The following PRKAG2 variants were observed in gnomAD, a reference collection of about 807,000 sequenced individuals.
PRKAG2 encodes the protein protein kinase AMP-activated non-catalytic subunit gamma 2, also known as 5'-AMP-activated protein kinase subunit gamma-2.
A neutral mutation model predicts 69.6 loss-of-function variants in PRKAG2; 26 were observed. The observed-to-expected ratio is 0.37, with a 90% CI of 0.27 to 0.52. PRKAG2 has a LOEUF of 0.52. Among genes scored for constraint, PRKAG2 ranks in the 20% least tolerant of loss-of-function variants. PRKAG2 has a pLI of 0.90. For missense variants in PRKAG2, 557 were observed against 740.0 expected (o/e 0.75, Z 2.87); for synonymous variants, 293 against 285.0 (o/e 1.03, Z -0.28).
chr7:151,600,152 C>G (rs183805258), intron 5 of PRKAG2, among the ~76,000 whole-genome samples: 5 of 152,158 alleles, frequency 3.3e-5, no homozygotes, highest in African/African-American at 1.2e-4. Context: ...TCCCTCGGCC[C>G]GCCACAACTG....
intron 1 of PRKAG2, among the ~76,000 whole-genome samples, chr7:151,797,429 A>G (rs951592962): frequency 6.6e-6 from 1 of 152,070 alleles, no homozygotes; most frequent in African/African-American, 2.4e-5. Flanking sequence ...CTTGTGTGAG[A>G]GAGGACACCT....
rs1333199612 is a variant in PRKAG2, at chr7:151,782,293, AAAGAAAGGAAGGAAGG to A, written c.187-878_187-863del. On this transcript the variant is annotated intron_variant, in intron 2 of 15. Transcript: ENST00000287878. ...ACGAGACTCCATTTCAAGAGAAAGGAAAGAAAGGAAGGAAGGAAGGAAGGAAGGAAGGAAGGAAGGA... is the reference window on the plus strand; with the variant it reads ...ACGAGACTCCATTTCAAGAGAAAGGAAAGGAAGGAAGGAAGGAAGGAAGGA... Among the ~76,000 whole-genome samples, 416 of 94,764 alleles carry A rather than the reference AAAGAAAGGAAGGAAGG, an allele frequency of 4.4e-3. 3 individuals are homozygous for A. The highest frequency in any genetic ancestry group is 5.5e-3 in the Non-Finnish European group (264 of 48,010). 62.2% of individuals were successfully genotyped at this position (94,764 alleles called of 152,430 possible). A position where few individuals can be genotyped will look rare whatever the true frequency, so the allele number is the denominator to read the frequency against.
At chr7:151,819,660 C>T (rs1476196138) in intron 1 of PRKAG2, among the ~76,000 whole-genome samples, 2 of 152,172 alleles carry the variant, frequency 1.3e-5, no homozygotes, top group African/African-American at 4.8e-5. Flanking sequence ...AACCAACCCC[C>T]GCAAAGGATA....
chr7:151,731,670 G>C (rs115689172), intron 3 of PRKAG2, among the ~76,000 whole-genome samples: 2,210 of 152,278 alleles, frequency 0.015, 58 homozygotes, highest in African/African-American at 0.05. Flanking sequence ...AGAGGAGCCC[G>C]TGGTTCCTGG....
chr7:151,561,956 G>A (rs1025487103), intron 14 of PRKAG2, among the ~76,000 whole-genome samples: 3 of 119,084 alleles, frequency 2.5e-5, no homozygotes, highest in Admixed American at 9.1e-5. Flanking sequence ...AAAAGGCTTT[G>A]GAACCTGGAG....
chr7:151,860,336 TC>T (rs1280615877), intron 1 of PRKAG2, among the ~76,000 whole-genome samples: 3 of 152,148 alleles, frequency 2.0e-5, no homozygotes, highest in African/African-American at 7.2e-5. Flanking sequence ...CTTGCAAACA[TC>T]TCACTCCTCC....
rs925123986 is a variant in PRKAG2, at chr7:151,777,416, G to A, written c.466+3736C>T. On this transcript the variant is annotated intron_variant, in intron 3 of 15. Coordinates refer to ENST00000287878, the MANE Select transcript of PRKAG2 (RefSeq NM_016203.4). The surrounding 1 kb of genome is among the most constrained non-coding windows in gnomAD (Gnocchi z 4.3). Reference sequence around the variant, plus strand: ...GTGTTGGAGGTGGGGCCCCGTGGGAGGTGTTTGGGTCCTGGGGGCAGATGC... The same window carrying A: ...GTGTTGGAGGTGGGGCCCCGTGGGAAGTGTTTGGGTCCTGGGGGCAGATGC... 6.6e-6 allele frequency among the ~76,000 whole-genome samples: 1 copy of A among 152,158 alleles called. No homozygotes were observed. The highest frequency in any genetic ancestry group is 2.4e-5 in the African/African-American group (1 of 41,420).
At chr7:151,608,638 T>G (rs1450093215) in intron 5 of PRKAG2, among the ~76,000 whole-genome samples, 1 of 152,166 alleles carries the variant, frequency 6.6e-6, no homozygotes, top group Middle Eastern at 3.2e-3. Flanking sequence ...CTGAGATGAC[T>G]ATATTGTGTT....
At chr7:151,639,705 T>C (rs1483849129) in intron 4 of PRKAG2, among the ~76,000 whole-genome samples, 1 of 152,234 alleles carries the variant, frequency 6.6e-6, no homozygotes, top group African/African-American at 2.4e-5. Context: ...GCCTTTGGCC[T>C]TGGACTGAGA....
chr7:151,718,284 G>T (rs2727547), intron 3 of PRKAG2, among the ~76,000 whole-genome samples: 32,812 of 151,826 alleles, frequency 0.22, 4,482 homozygotes, highest in East Asian at 0.58. Context: ...GTGGAGGGGG[G>T]GGTAGAGCTC....
Position 151,814,654 on chromosome 7 carries a change from TGG to T in PRKAG2, c.115-28115_115-28114del. The T allele has an allele frequency of 8.1e-7, 1 of 1,231,808 alleles. No individual in the cohort carries two copies. The allele number at this position is 1,231,808 out of a possible 1,614,324, so 76.3% of individuals were successfully genotyped here. A position where few individuals can be genotyped will look rare whatever the true frequency, so the allele number is the denominator to read the frequency against. ...GCTGCCACTGCATGTCTGCAACAGA[TGG>T]GGACCGGGGCTGGGTGTGTTCCCAG... On this transcript the variant is annotated intron_variant, in intron 1 of 15. Coordinates refer to ENST00000287878, the MANE Select transcript of PRKAG2 (RefSeq NM_016203.4). This position sits in a 1 kb window ranked among gnomAD's most constrained non-coding sequence, Gnocchi z 4.8.
chr7:151,652,327 C>T (rs10251264), intron 4 of PRKAG2, among the ~76,000 whole-genome samples: 2,784 of 152,152 alleles, frequency 0.018, 72 homozygotes, highest in African/African-American at 0.064. Context: ...GGCAACAGAC[C>T]GGGTGCTGAA....
chr7:151,598,549 G>A (rs1056103749), intron 5 of PRKAG2, among the ~76,000 whole-genome samples: 1 of 151,656 alleles, frequency 6.6e-6, no homozygotes. Flanking sequence ...ACATCAAACT[G>A]TATCCCATAA....
intron 1 of PRKAG2, among the ~76,000 whole-genome samples, chr7:151,851,507 C>T (rs1453367200): frequency 6.6e-6 from 1 of 152,196 alleles, no homozygotes. Flanking sequence ...TCGCAATGGC[C>T]AGTGTGGGCA....
chr7:151,856,421 T>C (rs965548331), intron 1 of PRKAG2, among the ~76,000 whole-genome samples: 32 of 152,324 alleles, frequency 2.1e-4, no homozygotes, highest in African/African-American at 7.2e-4. Context: ...CCCTGGAAGG[T>C]ATTTTGCCTT....
At chr7:151,861,449 AC>A (rs2151906364) in intron 1 of PRKAG2, among the ~76,000 whole-genome samples, 1 of 143,534 alleles carries the variant, frequency 7.0e-6, no homozygotes, top group African/African-American at 2.6e-5. Context: ...AATTGGTTGA[AC>A]CCGGGAGGCT....
chr7:151,736,698 C>G (rs560340852), intron 3 of PRKAG2, among the ~76,000 whole-genome samples: 2 of 152,204 alleles, frequency 1.3e-5, no homozygotes, highest in Non-Finnish European at 2.9e-5. Context: ...CCCTGGCTCA[C>G]GGTTCCACTC....
intron 1 of PRKAG2, among the ~76,000 whole-genome samples, chr7:151,832,082 C>T (rs952683135): frequency 6.6e-6 from 1 of 152,104 alleles, no homozygotes; most frequent in Admixed American, 6.5e-5. Context: ...GTACAGGGGC[C>T]ACCAGATGCC....
chr7:151,560,730 T>C, intron 14 of PRKAG2, 113 bp from the exon 15 acceptor site: 1 of 1,372,078 alleles, frequency 7.3e-7, no homozygotes, highest in Non-Finnish European at 1.0e-6. Context: ...CCCTCCAGCC[T>C]GGGGAATAGC....
Sources: allele counts gnomAD v4.1 joint callset (sites outside exome capture counted in the v4.1 genomes callset), GRCh38; gene constraint gnomAD v4.1.1; non-coding constraint Gnocchi (gnomAD v3.1); transcripts MANE v1.5; gene names NCBI Gene and HGNC (gene_info 2026-07-23, HGNC 2026-07-21).